TRIM14: variants seen among roughly 807,000 people sequenced by gnomAD.
TRIM14 encodes tripartite motif-containing protein 14.
Under a neutral mutation model 44.5 loss-of-function variants are expected in TRIM14, and 28 were observed. The ratio of observed to expected loss-of-function variants is 0.63; its 90% CI spans 0.47 to 0.86. The LOEUF (loss-of-function observed/expected upper bound fraction) is 0.86. Among genes scored for constraint, TRIM14 ranks in the 40% least tolerant of loss-of-function variants. TRIM14 has a pLI of 0.00. For missense variants in TRIM14, 607 were observed against 611.1 expected, an observed-to-expected ratio of 0.99 and a Z score of 0.07; for synonymous variants, 299 against 269.2, an observed-to-expected ratio of 1.11 and a Z score of -1.08.
In TRIM14 at chr9:98,087,966, G is replaced by A. The variant is rs1232936488; in HGVS notation, c.833C>T (p.Ala278Val). ...GCGATCGGCGGACAGGCGCAGGCGC[G>A]CGTGCATCGTGTCAGGATCCAGCGT... ...TPTLDPDTMH[A>V]RLRLSADRLT... Residue 278 changes from alanine to valine, a missense_variant, in exon 6 of 6, where the codon GCG (alanine) becomes GTG (valine). Ala to Val is a moderately conservative substitution (Grantham distance 64). Coordinates refer to ENST00000341469, the MANE Select transcript of TRIM14 (RefSeq NM_014788.4). The A allele has an allele frequency of 1.3e-6, 2 of 1,561,104 alleles. No individual in the cohort carries two copies. The highest frequency in any genetic ancestry group is 1.1e-5 in the South Asian group (1 of 87,180).
downstream of TRIM14, chr9:98,081,006 C>G (rs375252681): frequency 3.9e-5 from 63 of 1,614,192 alleles, no homozygotes; most frequent in Non-Finnish European, 5.3e-5. Context: ...CTGGTGCGGT[C>G]AGTGCGTCTT....
downstream of TRIM14, chr9:98,080,723 G>A: frequency 7.0e-7 from 1 of 1,421,966 alleles, no homozygotes. Flanking sequence ...CTAGTGAGTG[G>A]CTAAACCGGG....
In TRIM14 at chr9:98,119,147, C is replaced by G. The variant is rs768643646; in HGVS notation, c.42G>C (p.Ser14=). Residue 14 remains serine (S), a synonymous_variant, in exon 1 of 6, where the codon TCG becomes TCC. Coordinates refer to ENST00000341469, the MANE Select transcript of TRIM14 (RefSeq NM_014788.4). ...GCCAGCCGCATCCCTCGACAAGCTC[C>G]GACCTCCCAGGGGTCCGGCTCCCGG... ...AATGSRTPGR[S]ELVEGCGWRC... is the part of the protein sequence containing the mutation. 1 of 1,585,942 alleles carries G rather than the reference C, an allele frequency of 6.3e-7. No individual in the cohort carries two copies. Among genetic ancestry groups the G allele is most frequent in the Non-Finnish European group, 8.5e-7 (1 of 1,175,444 alleles).
chr9:98,083,990 A>G (rs1235084001), downstream of TRIM14, among the ~76,000 whole-genome samples: 1 of 152,234 alleles, frequency 6.6e-6, no homozygotes, highest in Non-Finnish European at 1.5e-5. Flanking sequence ...ATCAGGGAGC[A>G]GCTGACTACT....
At chr9:98,082,751 TG>T, downstream of TRIM14, 1 of 1,205,568 alleles carries the variant, frequency 8.3e-7, no homozygotes, top group Non-Finnish European at 1.2e-6. Context: ...AGGTACTGCC[TG>T]GGGAAGACTG....
chr9:98,080,873 A>G (rs776576962), downstream of TRIM14: 1 of 1,613,928 alleles, frequency 6.2e-7, no homozygotes, highest in Non-Finnish European at 8.5e-7. Flanking sequence ...TGAAACAGGC[A>G]TAGCGATATC....
chr9:98,083,032 C>T (rs1375374689), downstream of TRIM14: 2 of 1,613,640 alleles, frequency 1.2e-6, no homozygotes, highest in Non-Finnish European at 1.7e-6. Flanking sequence ...GGTAGATAAT[C>T]ATGGCAAAAA....
chr9:98,105,325 G>A (rs1007725010), intron 2 of TRIM14, among the ~76,000 whole-genome samples: 10 of 152,238 alleles, frequency 6.6e-5, no homozygotes, highest in Non-Finnish European at 1.3e-4. Flanking sequence ...GTAGGACAGA[G>A]GGGCTGAGCC....
intron 1 of TRIM14, among the ~76,000 whole-genome samples, chr9:98,114,386 T>C (rs7849424): frequency 0.42 from 63,937 of 151,734 alleles, 13,731 homozygotes; most frequent in East Asian, 0.58. Flanking sequence ...CAGGCTGGAG[T>C]GCAGTGGCGT....
At chr9:98,044,558 G>C in the TRIM14 span, among the ~76,000 whole-genome samples, 1 of 151,802 alleles carries the variant, frequency 6.6e-6, no homozygotes. Flanking sequence ...ATTTTTAGTA[G>C]AGATGAGGTT....
rs556530769 is a variant in TRIM14, at chr9:98,095,044, G to A, written c.538-15C>T. Reference sequence around the variant, plus strand: ...GCCGTGTATGCCTGTGTGGGCACACGGGGGTGAGGGTGGCTCTGGGAGATG... The same window carrying A: ...GCCGTGTATGCCTGTGTGGGCACACAGGGGTGAGGGTGGCTCTGGGAGATG... On this transcript the variant is annotated splice_polypyrimidine_tract_variant and intron_variant, in intron 3 of 5. Transcript: ENST00000341469. The surrounding 1 kb of genome is among the most constrained non-coding windows in gnomAD (Gnocchi z 4.1). 21 of 1,607,878 alleles carry A rather than the reference G, an allele frequency of 1.3e-5. No homozygotes were observed. Among genetic ancestry groups the A allele is most frequent in the Admixed American group, 1.7e-5 (1 of 59,792 alleles).
chr9:98,077,335 T>C (rs1380283596), intron 6 of TRIM14, among the ~76,000 whole-genome samples: 1 of 152,136 alleles, frequency 6.6e-6, no homozygotes, highest in Non-Finnish European at 1.5e-5. Flanking sequence ...ATTAAGAATA[T>C]GACAGTTTTT....
At chr9:98,104,836 TGAG>T (rs1051077173) in intron 2 of TRIM14, among the ~76,000 whole-genome samples, 12 of 151,672 alleles carry the variant, frequency 7.9e-5, no homozygotes, top group South Asian at 2.1e-4. Flanking sequence ...CTGTGGAGAG[TGAG>T]GAGATGAAAG....
chr9:98,037,117 C>T, the TRIM14 span, among the ~76,000 whole-genome samples: 3 of 151,898 alleles, frequency 2.0e-5, no homozygotes, highest in African/African-American at 4.8e-5. Context: ...GTGGCTCACA[C>T]CTGTAATCCC....
intron 6 of TRIM14, chr9:98,078,039 A>G: frequency 8.9e-7 from 1 of 1,117,760 alleles, no homozygotes; most frequent in Non-Finnish European, 1.3e-6. Context: ...GAACCCAACA[A>G]GCTCCTCTCT....
chr9:98,036,942 CTGACT>C, the TRIM14 span, among the ~76,000 whole-genome samples: 2 of 152,228 alleles, frequency 1.3e-5, no homozygotes, highest in Admixed American at 6.5e-5. Context: ...GAGGCCTGAC[CTGACT>C]TGTCACCTTG....
chr9:98,073,586 GCTT>G (rs1267010768), intron 6 of TRIM14, among the ~76,000 whole-genome samples: 1 of 149,608 alleles, frequency 6.7e-6, no homozygotes, highest in Admixed American at 6.7e-5. Context: ...CCTGGCCTGG[GCTT>G]CTTTTTTTTT....
At position 98,087,800 on chromosome 9, in the gene TRIM14, G is replaced by A. The variant is rs1214916945; in HGVS notation, c.999C>T (p.Ala333=). 6.6e-7 allele frequency: 1 copy of A among 1,504,250 alleles called. No individual in the cohort carries two copies. The highest frequency in any genetic ancestry group is 1.3e-5 in the South Asian group (1 of 79,246). 93.2% of individuals were successfully genotyped at this position (1,504,250 alleles called of 1,614,324 possible). A position where few individuals can be genotyped will look rare whatever the true frequency, so the allele number is the denominator to read the frequency against. The change falls in exon 6 of 6, where the codon GCC becomes GCT. Residue 333 remains alanine (A), a synonymous_variant. Coordinates refer to ENST00000341469, the MANE Select transcript of TRIM14 (RefSeq NM_014788.4). ...CGTAGGCCGCGCCCACCCACCAGCC[G>A]GCGCCCGCCTCCTGCACGTCAACCT... is the stretch of plus-strand genomic sequence containing the variant. ...YWEVDVQEAG[A]GWWVGAAYAS...
At chr9:98,046,818 T>G in the TRIM14 span, among the ~76,000 whole-genome samples, 25,008 of 152,228 alleles carry the variant, frequency 0.16, 2,850 homozygotes, top group Non-Finnish European at 0.25. Context: ...CTTAGGCAAC[T>G]AATTGATTAA....
Sources: gnomAD v4.1 joint callset for allele counts (sites outside exome capture counted in the v4.1 genomes callset) on GRCh38, gnomAD v4.1.1 for gene constraint, Gnocchi (gnomAD v3.1) non-coding constraint, MANE v1.5 for transcripts, NCBI Gene and HGNC (gene_info 2026-07-23, HGNC 2026-07-21) for gene names.